Variants in HTR1F observed in about 807,000 individuals in gnomAD.
HTR1F encodes the protein 5-hydroxytryptamine (serotonin) receptor 1F, G protein-coupled.
Under a neutral mutation model 24.0 loss-of-function variants are expected in HTR1F, and 17 were observed. That is an observed-to-expected ratio of 0.71 (90% CI 0.48 to 1.06). The LOEUF is 1.06. Among genes scored for constraint, HTR1F ranks in the 50% least tolerant of loss-of-function variants. HTR1F has a pLI of 0.00. For missense variants in HTR1F, 391 were observed against 427.8 expected, an observed-to-expected ratio of 0.91 and a Z score of 0.76; for synonymous variants, 186 against 156.8, an observed-to-expected ratio of 1.19 and a Z score of -1.39.
chr3:87,855,243 A>G (rs922686168), intron 2 of HTR1F, among the ~76,000 whole-genome samples: 6 of 152,028 alleles, frequency 3.9e-5, no homozygotes, highest in Admixed American at 3.3e-4. Context: ...TGGGGATACA[A>G]TTTAGTTCTC....
At chr3:87,824,298 T>A (rs1173042726) in intron 2 of HTR1F, among the ~76,000 whole-genome samples, 2 of 152,168 alleles carry the variant, frequency 1.3e-5, no homozygotes, top group Non-Finnish European at 2.9e-5. Context: ...GTCTTACCTT[T>A]GTCCAACCCA....
rs2107528440 is a variant in HTR1F, at chr3:87,991,583, G to C, written c.834G>C (p.Trp278Cys). ...CTGAATTCAAGCATGAGAAATCTTGGAGAAGGCAAAAGATCTCAGGTACAA... is the reference window on the plus strand; with the variant it reads ...CTGAATTCAAGCATGAGAAATCTTGCAGAAGGCAAAAGATCTCAGGTACAA... Reference protein sequence around the residue: ...LRSEFKHEKSWRRQKISGTRE... With the variant: ...LRSEFKHEKSCRRQKISGTRE... Residue 278 changes from tryptophan (W) to cysteine (C), a missense_variant, in exon 3 of 3, where the codon TGG (tryptophan) becomes TGC (cysteine). Transcript: ENST00000319595. 6.2e-7 allele frequency: 1 copy of C among 1,614,034 alleles called. No homozygotes were observed. Among genetic ancestry groups the C allele is most frequent in the East Asian group, 2.2e-5 (1 of 44,870 alleles).
At chr3:87,981,472 G>A (rs572509843) in intron 2 of HTR1F, among the ~76,000 whole-genome samples, 1 of 152,352 alleles carries the variant, frequency 6.6e-6, no homozygotes, top group South Asian at 2.1e-4. Context: ...TAGGATTACA[G>A]GTGTGAGCCA....
At chr3:87,798,726 T>A (rs1403264732) in intron 1 of HTR1F, among the ~76,000 whole-genome samples, 1 of 152,102 alleles carries the variant, frequency 6.6e-6, no homozygotes, top group Non-Finnish European at 1.5e-5. Context: ...TATTATTAAA[T>A]CAGAAGCTAC....
chr3:87,905,318 C>T (rs777756797), intron 2 of HTR1F, among the ~76,000 whole-genome samples: 2 of 146,850 alleles, frequency 1.4e-5, no homozygotes, highest in Non-Finnish European at 3.0e-5. Flanking sequence ...CTCAAACAAA[C>T]AAAAAAAAAG....
At chr3:87,866,794 G>A (rs1705435945) in intron 2 of HTR1F, among the ~76,000 whole-genome samples, 1 of 149,612 alleles carries the variant, frequency 6.7e-6, no homozygotes, top group Admixed American at 6.7e-5. Context: ...TTTATTAGAG[G>A]TGTACATGGG....
intron 2 of HTR1F, among the ~76,000 whole-genome samples, chr3:87,862,400 C>T (rs530578069): frequency 2.6e-5 from 4 of 152,304 alleles, no homozygotes; most frequent in South Asian, 4.1e-4. Flanking sequence ...ATGAACAATC[C>T]TTCCCTATTG....
intron 2 of HTR1F, among the ~76,000 whole-genome samples, chr3:87,972,936 C>A (rs1002401183): frequency 1.3e-5 from 2 of 151,032 alleles, no homozygotes; most frequent in East Asian, 3.9e-4. Flanking sequence ...TTTGGGAGGC[C>A]GAGGCAGGTG....
At chr3:87,961,546 G>A (rs1424756440) in intron 2 of HTR1F, among the ~76,000 whole-genome samples, 2 of 151,974 alleles carry the variant, frequency 1.3e-5, no homozygotes, top group Admixed American at 1.3e-4. Flanking sequence ...AGGATCACTT[G>A]AAGGCTGGAG....
At chr3:87,818,082 TG>T (rs1704284026) in intron 1 of HTR1F, among the ~76,000 whole-genome samples, 1 of 152,220 alleles carries the variant, frequency 6.6e-6, no homozygotes, top group Non-Finnish European at 1.5e-5. Context: ...TTGGGGATTC[TG>T]CACGTACTAT....
intron 1 of HTR1F, among the ~76,000 whole-genome samples, chr3:87,794,497 A>G (rs12489435): frequency 0.29 from 44,448 of 152,132 alleles, 6,667 homozygotes; most frequent in East Asian, 0.42. Flanking sequence ...CTTGCCTGCT[A>G]TTAACTTAGG....
chr3:87,968,925 T>C (rs1239126808), intron 2 of HTR1F, among the ~76,000 whole-genome samples: 1 of 152,172 alleles, frequency 6.6e-6, no homozygotes, highest in Non-Finnish European at 1.5e-5. Context: ...TCCCAGCCAC[T>C]CTAGCCATGG....
At chr3:87,959,335 C>A (rs1156318426) in intron 2 of HTR1F, among the ~76,000 whole-genome samples, 2 of 151,770 alleles carry the variant, frequency 1.3e-5, no homozygotes, top group Non-Finnish European at 2.9e-5. Flanking sequence ...TTTTTGCCCT[C>A]CTTATAATAT....
At chr3:87,867,264 G>C (rs748692648) in intron 2 of HTR1F, among the ~76,000 whole-genome samples, 1 of 151,788 alleles carries the variant, frequency 6.6e-6, no homozygotes, top group Non-Finnish European at 1.5e-5. Flanking sequence ...GAATGCAGTA[G>C]TAATAACAGC....
At chr3:87,850,497 T>C (rs898145596) in intron 2 of HTR1F, among the ~76,000 whole-genome samples, 42 of 151,724 alleles carry the variant, frequency 2.8e-4, no homozygotes, top group Non-Finnish European at 2.9e-5. Context: ...TTAGGAGATA[T>C]ACCTAATGTA....
chr3:87,976,841 AGTTCCTG>A (rs1705406039), intron 2 of HTR1F, among the ~76,000 whole-genome samples: 2 of 152,192 alleles, frequency 1.3e-5, no homozygotes, highest in Admixed American at 1.3e-4. Context: ...TTCTTTGTCT[AGTTCCTG>A]GTGATAACCA....
At chr3:87,895,472 G>A (rs1706178323) in intron 2 of HTR1F, among the ~76,000 whole-genome samples, 1 of 151,632 alleles carries the variant, frequency 6.6e-6, no homozygotes, top group African/African-American at 2.4e-5. Context: ...AATATTGATG[G>A]GATACCAACT....
intron 2 of HTR1F, among the ~76,000 whole-genome samples, chr3:87,843,511 CT>C (rs56345027): frequency 0.022 from 3,100 of 138,090 alleles, 131 homozygotes; most frequent in African/African-American, 0.073. Context: ...CTTTCTTTTT[CT>C]TTTTTTTTTT....
At chr3:87,946,605 G>T (rs1704711633) in intron 2 of HTR1F, among the ~76,000 whole-genome samples, 1 of 91,212 alleles carries the variant, frequency 1.1e-5, no homozygotes, top group African/African-American at 3.7e-5. Flanking sequence ...ATATATGTGT[G>T]TGTGTGTATA....
Sources: allele counts gnomAD v4.1 joint callset (sites outside exome capture counted in the v4.1 genomes callset), GRCh38; gene constraint gnomAD v4.1.1; transcripts MANE v1.5; gene names NCBI Gene and HGNC (gene_info 2026-07-23, HGNC 2026-07-21).